The following LRIF1 variants were observed in gnomAD, a reference collection of about 807,000 sequenced individuals.
LRIF1 encodes ligand dependent nuclear receptor interacting factor 1, also known as ligand-dependent nuclear receptor-interacting factor 1.
In LRIF1, 32 loss-of-function variants were observed where a neutral mutation model predicts 52.7. The observed-to-expected ratio is 0.61, with a 90% CI of 0.46 to 0.82. The LOEUF is 0.82. Among genes scored for constraint, LRIF1 ranks in the 40% least tolerant of loss-of-function variants. The pLI, the probability that LRIF1 is intolerant of heterozygous loss-of-function variation, is 0.00. For missense variants in LRIF1, 887 were observed against 892.0 expected (o/e 0.99, Z 0.07); for synonymous variants, 323 against 317.4 (o/e 1.02, Z -0.19).
chr1:110,912,074 T>C, the LRIF1 span, among the ~76,000 whole-genome samples: 1 of 152,192 alleles, frequency 6.6e-6, no homozygotes, highest in East Asian at 1.9e-4. Context: ...TCTCTCTTCA[T>C]AGACAATATA....
At chr1:110,955,320 T>G (rs1658651019) in intron 1 of LRIF1, among the ~76,000 whole-genome samples, 1 of 152,232 alleles carries the variant, frequency 6.6e-6, no homozygotes, top group Non-Finnish European at 1.5e-5. Flanking sequence ...AATCAACTGT[T>G]ACCACTCTAC....
chr1:110,945,690 G>A (rs1484636350), downstream of LRIF1, among the ~76,000 whole-genome samples: 3 of 152,188 alleles, frequency 2.0e-5, no homozygotes, highest in Non-Finnish European at 4.4e-5. Context: ...GCTTCCCAAA[G>A]TGCTGGGATT....
chr1:110,929,355 G>T, the LRIF1 span, among the ~76,000 whole-genome samples: 1 of 152,142 alleles, frequency 6.6e-6, no homozygotes, highest in East Asian at 1.9e-4. Context: ...TTTCCATAAG[G>T]ATTGAACTAC....
the LRIF1 span, among the ~76,000 whole-genome samples, chr1:110,920,684 G>A: frequency 4.6e-5 from 7 of 152,298 alleles, no homozygotes; most frequent in Middle Eastern, 3.4e-3. Context: ...TCTGGACTTT[G>A]GGGTGATAAC....
At position 110,952,066 on chromosome 1, in the gene LRIF1, G is replaced by A. The variant is rs766203215; in HGVS notation, c.818C>T (p.Ala273Val). Residue 273 changes from alanine (A) to valine (V), a missense_variant, in exon 2 of 4, where the codon GCT (alanine) becomes GTT (valine). Coordinates refer to ENST00000369763, the MANE Select transcript of LRIF1 (RefSeq NM_018372.4). Reference sequence around the variant, plus strand: ...ACCACCTTTCAATTGTGTCTCTGTAGCAACATTCTTTGGAATTTGTGTGGT... The same window carrying A: ...ACCACCTTTCAATTGTGTCTCTGTAACAACATTCTTTGGAATTTGTGTGGT... ...LNTTQIPKNV[A>V]TETQLKGGQH... The A allele has an allele frequency of 1.9e-6, 3 of 1,614,160 alleles. No homozygotes were observed. Among genetic ancestry groups the A allele is most frequent in the African/African-American group, 1.3e-5 (1 of 75,030 alleles).
At chr1:110,937,666 G>A in the LRIF1 span, 1 of 151,902 alleles carries the variant, frequency 6.6e-6, no homozygotes. Context: ...GCATCTTAAA[G>A]AACTAGAAAA....
chr1:110,929,167 G>A, the LRIF1 span, among the ~76,000 whole-genome samples: 1 of 152,124 alleles, frequency 6.6e-6, no homozygotes, highest in Admixed American at 6.5e-5. Context: ...GTCTGTCATT[G>A]ATGGGCATTT....
the LRIF1 span, among the ~76,000 whole-genome samples, chr1:110,887,127 G>T: frequency 4.3e-4 from 65 of 151,348 alleles, no homozygotes; most frequent in African/African-American, 1.6e-3. Context: ...GCAGTGGCGC[G>T]ATCTCGGCTC....
chr1:110,923,036 G>A, the LRIF1 span, among the ~76,000 whole-genome samples: 10 of 152,204 alleles, frequency 6.6e-5, 1 homozygote, highest in African/African-American at 2.4e-4. Context: ...CAGGTAGGGT[G>A]GCTCACACCT....
chr1:110,957,210 C>A (rs1658735554), intron 1 of LRIF1, among the ~76,000 whole-genome samples: 1 of 150,492 alleles, frequency 6.6e-6, no homozygotes, highest in African/African-American at 2.5e-5. Flanking sequence ...GTAATCCCAG[C>A]ACTTTGGGAG....
chr1:110,892,360 AT>A, the LRIF1 span: 1 of 1,614,016 alleles, frequency 6.2e-7, no homozygotes, highest in Non-Finnish European at 8.5e-7. Flanking sequence ...TGGCTGCTGC[AT>A]TTTGGGCTTT....
the LRIF1 span, among the ~76,000 whole-genome samples, chr1:110,877,916 CG>C: frequency 6.6e-6 from 1 of 152,150 alleles, no homozygotes; most frequent in East Asian, 1.9e-4. Context: ...GGAGTTCAAA[CG>C]AGCTGATGAA....
At chr1:110,957,053 CTT>C (rs1658728226) in intron 1 of LRIF1, among the ~76,000 whole-genome samples, 1 of 152,052 alleles carries the variant, frequency 6.6e-6, no homozygotes, top group Admixed American at 6.5e-5. Flanking sequence ...CTCTGTTTCT[CTT>C]GACTTTCCTA....
rs1658270932 is a variant in LRIF1, at chr1:110,947,943, G to A, written c.*16C>T. On this transcript the variant is annotated 3_prime_UTR_variant, in exon 4 of 4. Transcript: ENST00000369763. Reference sequence around the variant, plus strand: ...TTTAAAAAACAGCTATTTCACTGAAGTCTTTACAGGAGATTTTATTTTTGG... The same window carrying A: ...TTTAAAAAACAGCTATTTCACTGAAATCTTTACAGGAGATTTTATTTTTGG... The A allele has an allele frequency of 5.8e-6, 9 of 1,553,922 alleles. No homozygotes were observed. The highest frequency in any genetic ancestry group is 1.7e-4 in the Middle Eastern group (1 of 5,792).
At chr1:110,960,168 CT>C (rs1416082077) in intron 1 of LRIF1, among the ~76,000 whole-genome samples, 1 of 152,120 alleles carries the variant, frequency 6.6e-6, no homozygotes, top group Non-Finnish European at 1.5e-5. Flanking sequence ...CATTTAATAA[CT>C]TACTTAGAAT....
the LRIF1 span, among the ~76,000 whole-genome samples, chr1:110,886,942 CA>C: frequency 1.6e-4 from 24 of 146,622 alleles, no homozygotes; most frequent in South Asian, 5.1e-3. Flanking sequence ...TTTTTTTCTT[CA>C]GCAATATCTA....
At chr1:110,957,470 C>CTAAAAAAAA in intron 1 of LRIF1, among the ~76,000 whole-genome samples, 1 of 42,802 alleles carries the variant, frequency 2.3e-5, no homozygotes, top group Non-Finnish European at 3.8e-5. Context: ...GACTCAGTCT[C>CTAAAAAAAA]AAAAAAAAAA....
At chr1:110,899,029 T>C in the LRIF1 span, 3 of 877,576 alleles carry the variant, frequency 3.4e-6, no homozygotes, top group East Asian at 2.5e-5. Context: ...TTCAGTGTAA[T>C]GGATACATTC....
the LRIF1 span, among the ~76,000 whole-genome samples, chr1:110,921,557 T>C: frequency 6.6e-6 from 1 of 151,862 alleles, no homozygotes; most frequent in Admixed American, 6.6e-5. Context: ...TTAAGGAAAA[T>C]AACATTATTA....
Sources: gnomAD v4.1 joint callset for allele counts (sites outside exome capture counted in the v4.1 genomes callset) on GRCh38, gnomAD v4.1.1 for gene constraint, MANE v1.5 for transcripts, NCBI Gene and HGNC (gene_info 2026-07-23, HGNC 2026-07-21) for gene names.